The following TNFAIP8 variants were observed in gnomAD, a reference collection of about 807,000 sequenced individuals.
TNFAIP8 encodes TNF alpha induced protein 8.
A neutral mutation model predicts 13.3 loss-of-function variants in TNFAIP8; 7 were observed. The observed-to-expected ratio is 0.52, with a 90% confidence interval of 0.30 to 0.99. The LOEUF (loss-of-function observed/expected upper bound fraction) is 0.99, where lower values mean the gene tolerates loss of function less well. Ranked by LOEUF, TNFAIP8 falls within the 50% of genes least tolerant of loss-of-function variation. The pLI, the probability that TNFAIP8 is intolerant of heterozygous loss-of-function variation, is 0.07. For missense variants in TNFAIP8, 258 were observed against 236.9 expected, an observed-to-expected ratio of 1.09 and a Z score of -0.58; for synonymous variants, 94 against 87.6, an observed-to-expected ratio of 1.07 and a Z score of -0.41.
chr5:119,284,198 A>C (rs1215528114), intron 1 of TNFAIP8, among the ~76,000 whole-genome samples: 2 of 152,166 alleles, frequency 1.3e-5, no homozygotes, highest in African/African-American at 4.8e-5. Flanking sequence ...TCTGATGTTC[A>C]AATCCGGTGG....
intron 1 of TNFAIP8, among the ~76,000 whole-genome samples, chr5:119,390,736 T>C (rs1403659953): frequency 6.6e-6 from 1 of 152,200 alleles, no homozygotes; most frequent in Non-Finnish European, 1.5e-5. Flanking sequence ...AGGAACCATT[T>C]TGCAGCTGCC....
chr5:119,339,934 G>C (rs1468602009), intron 1 of TNFAIP8, among the ~76,000 whole-genome samples: 1 of 152,150 alleles, frequency 6.6e-6, no homozygotes, highest in Non-Finnish European at 1.5e-5. Context: ...TAAAGCTTTG[G>C]AAGCTGCACA....
At position 119,340,256 on chromosome 5, in the gene TNFAIP8, G is replaced by A. The variant is rs116203414; in HGVS notation, c.2-52560G>A. Among the ~76,000 whole-genome samples, 767 of 152,302 alleles carry A rather than the reference G, an allele frequency of 5.0e-3. 5 individuals are homozygous for A. Among genetic ancestry groups the A allele is most frequent in the Non-Finnish European group, 7.5e-3 (509 of 68,012 alleles). On this transcript the variant is annotated intron_variant, in intron 1 of 1. Coordinates refer to the TNFAIP8 transcript ENST00000274456. ...ATGTGTGGAAATATACGCACAGGGG[G>A]CCAGCCAGAGCAGAGGAACCCTTTA...
chr5:119,322,939 T>G lies in TNFAIP8; in HGVS notation c.1+54032T>G, dbSNP rs141415472. Among the ~76,000 whole-genome samples, 357 of 152,360 alleles carry G rather than the reference T, an allele frequency of 2.3e-3. 1 individual carries two copies. The highest frequency in any genetic ancestry group is 8.3e-3 in the African/African-American group (344 of 41,582). On this transcript the variant is annotated intron_variant, in intron 1 of 1. Transcript: ENST00000274456. ...AATTTGATGTGAAGAAAGCTGAACT[T>G]GCCTTCTCTTTCACTTTTCCCCTTA...
chr5:119,350,642 T>A (rs1217080559), intron 1 of TNFAIP8, among the ~76,000 whole-genome samples: 1 of 152,238 alleles, frequency 6.6e-6, no homozygotes, highest in African/African-American at 2.4e-5. Context: ...GATGTATTAT[T>A]GTCTCTCTGT....
chr5:119,307,275 C>T lies in TNFAIP8; in HGVS notation c.1+38368C>T, dbSNP rs563117540. Among the ~76,000 whole-genome samples the T allele has an allele frequency of 2.0e-5, 3 of 152,232 alleles. No homozygotes were observed. The South Asian group carries it at 6.2e-4, about 31-fold the overall frequency. On this transcript the variant is annotated intron_variant, in intron 1 of 1. Coordinates refer to the TNFAIP8 transcript ENST00000274456. ...AAGAATTCGCTTATTGTTGAACATT[C>T]TTGTTCTTTACTGATTTTTATGTTA...
intron 1 of TNFAIP8, among the ~76,000 whole-genome samples, chr5:119,330,249 G>A (rs1033340778): frequency 2.6e-5 from 4 of 152,306 alleles, no homozygotes; most frequent in East Asian, 1.9e-4. Flanking sequence ...ATTAGGGAAC[G>A]TCCTGGGAAT....
intron 1 of TNFAIP8, among the ~76,000 whole-genome samples, chr5:119,339,316 C>T (rs1358754760): frequency 6.6e-6 from 1 of 152,052 alleles, no homozygotes; most frequent in Middle Eastern, 3.2e-3. Flanking sequence ...CTTGGGTTGC[C>T]TAAACTCGTC....
Position 119,356,049 on chromosome 5 carries a change from A to C in TNFAIP8, c.-42A>C, listed in dbSNP as rs748472776. 1.3e-6 allele frequency: 2 copies of C among 1,555,702 alleles called. No individual in the cohort carries two copies. Among genetic ancestry groups the C allele is most frequent in the South Asian group, 1.2e-5 (1 of 84,704 alleles). On this transcript the variant is annotated 5_prime_UTR_variant, in exon 1 of 2. It removes an upstream start codon present in the reference 5' UTR. Coordinates refer to ENST00000504771, the MANE Select transcript of TNFAIP8 (RefSeq NM_014350.4). ...GCGAACTTGCGGCTCGTCCGAGTACATGTGAGCGGTAATCGCCCCTGCAGC... is the reference window on the plus strand; with the variant it reads ...GCGAACTTGCGGCTCGTCCGAGTACCTGTGAGCGGTAATCGCCCCTGCAGC...
At chr5:119,359,023 G>A (rs981290234) in intron 1 of TNFAIP8, among the ~76,000 whole-genome samples, 1 of 152,096 alleles carries the variant, frequency 6.6e-6, no homozygotes, top group African/African-American at 2.4e-5. Flanking sequence ...ATTTCACAAA[G>A]AAAACAGTAG....
In TNFAIP8 at chr5:119,376,562, AC is replaced by A. The variant is rs57215520; in HGVS notation, c.32-16246del. On this transcript the variant is annotated intron_variant, in intron 1 of 1. Transcript: ENST00000504771. ...AAAAATCAGTATTCATTGTCTTCCC[AC>A]CCCCCCCGTCTTTCTGCTCCCCCAG... Among the ~76,000 whole-genome samples, 653 of 129,344 alleles carry A rather than the reference AC, an allele frequency of 5.0e-3. 7 individuals are homozygous for A. In the South Asian group the frequency reaches 0.054, roughly 11 times the overall value. 84.9% of individuals were successfully genotyped at this position (129,344 alleles called of 152,430 possible).
intron 1 of TNFAIP8, among the ~76,000 whole-genome samples, chr5:119,287,392 T>C (rs1748834930): frequency 6.6e-6 from 1 of 150,868 alleles, no homozygotes; most frequent in Non-Finnish European, 1.5e-5. Flanking sequence ...TGTGTAATGA[T>C]TACCACAGTC....
intron 1 of TNFAIP8, among the ~76,000 whole-genome samples, chr5:119,385,904 T>C (rs1752649410): frequency 6.6e-6 from 1 of 152,374 alleles, no homozygotes; most frequent in East Asian, 1.9e-4. Context: ...ATGTGGTCCA[T>C]GTCCATTTAT....
intron 1 of TNFAIP8, among the ~76,000 whole-genome samples, chr5:119,289,295 G>T (rs1748912029): frequency 6.6e-6 from 1 of 152,144 alleles, no homozygotes; most frequent in East Asian, 1.9e-4. Context: ...ACTGCCAAAA[G>T]ATTGGTCCAG....
intron 1 of TNFAIP8, among the ~76,000 whole-genome samples, chr5:119,339,754 A>G (rs1407518175): frequency 2.6e-5 from 4 of 152,228 alleles, no homozygotes; most frequent in African/African-American, 7.2e-5. Flanking sequence ...TGGTAATTAC[A>G]TGCTCCGATA....
chr5:119,279,396 T>A (rs746195103), intron 1 of TNFAIP8, among the ~76,000 whole-genome samples: 1 of 152,160 alleles, frequency 6.6e-6, no homozygotes, highest in Non-Finnish European at 1.5e-5. Context: ...TTCTTCACAT[T>A]TTGTTGTTTT....
At chr5:119,361,927 T>C (rs1241699524) in intron 1 of TNFAIP8, among the ~76,000 whole-genome samples, 2 of 152,132 alleles carry the variant, frequency 1.3e-5, no homozygotes, top group Non-Finnish European at 2.9e-5. Flanking sequence ...TAACAACAAA[T>C]GTTAACTGAG....
intron 1 of TNFAIP8, among the ~76,000 whole-genome samples, chr5:119,331,126 G>A (rs1415044994): frequency 2.0e-5 from 3 of 152,104 alleles, no homozygotes; most frequent in African/African-American, 7.2e-5. Flanking sequence ...TCCACATTGG[G>A]CAATCATCAC....
At chr5:119,335,129 A>G (rs1750511532) in intron 1 of TNFAIP8, among the ~76,000 whole-genome samples, 1 of 151,844 alleles carries the variant, frequency 6.6e-6, no homozygotes, top group African/African-American at 2.4e-5. Context: ...GGTAAATTTC[A>G]CTCTTGGATA....
Sources: gnomAD v4.1 joint callset for allele counts (sites outside exome capture counted in the v4.1 genomes callset) on GRCh38, gnomAD v4.1.1 for gene constraint, MANE v1.5 for transcripts, NCBI Gene and HGNC (gene_info 2026-07-23, HGNC 2026-07-21) for gene names.